Variants in ZFHX3 observed in about 807,000 individuals in gnomAD.
The protein encoded by ZFHX3 is zinc finger homeobox protein 3.
ZFHX3 carries 42 observed loss-of-function variants against 279.1 expected under a neutral mutation model. The observed-to-expected ratio is 0.15, with a 90% CI of 0.12 to 0.19. The LOEUF (loss-of-function observed/expected upper bound fraction) is 0.19, where lower values mean the gene tolerates loss of function less well. ZFHX3 is among the 10% of genes least tolerant of loss of function. ZFHX3 has a pLI of 1.00. For missense variants in ZFHX3, 4,981 were observed against 4,754.0 expected, an observed-to-expected ratio of 1.05 and a Z score of -1.40; for synonymous variants, 2,293 against 1,957.8, an observed-to-expected ratio of 1.17 and a Z score of -4.52.
chr16:73,003,514 C>A lies in ZFHX3; in HGVS notation c.-49-43320G>T, dbSNP rs530186436. 5.9e-5 allele frequency among the ~76,000 whole-genome samples: 8 copies of A among 135,144 alleles called. No individual in the cohort carries two copies. The South Asian group carries it at 2.0e-3, about 34-fold the overall frequency. 88.7% of individuals were successfully genotyped at this position (135,144 alleles called of 152,430 possible). A position where few individuals can be genotyped will look rare whatever the true frequency, so the allele number is the denominator to read the frequency against. ...ACCAGCCTGGCCAACATGGTGAGAC[C>A]CCCCCCTCCCCACCCCGCCCCATCT... is the stretch of plus-strand genomic sequence containing the variant. On this transcript the variant is annotated intron_variant, in intron 1 of 9. Transcript: ENST00000268489.
chr16:73,719,701 T>A (rs2053455229), intron 1 of ZFHX3, among the ~76,000 whole-genome samples: 2 of 152,174 alleles, frequency 1.3e-5, no homozygotes, highest in Admixed American at 1.3e-4. Context: ...TGGCGCGATC[T>A]CGGCTCACTG....
intron 2 of ZFHX3, among the ~76,000 whole-genome samples, chr16:73,641,583 G>C (rs1241030179): frequency 6.6e-6 from 1 of 152,142 alleles, no homozygotes; most frequent in African/African-American, 2.4e-5. Context: ...ACAGCAAAAA[G>C]ATATACACTG....
rs867331870 is a variant in ZFHX3 at position 72,829,835 on chromosome 16, C to A, written c.3473G>T (p.Gly1158Val). The change falls in exon 5 of 10, where the codon GGA becomes GTA. Residue 1158 changes from glycine to valine, a missense_variant. Physicochemically the swap from Gly to Val is moderately radical, Grantham distance 109. Coordinates refer to ENST00000268489, the MANE Select transcript of ZFHX3 (RefSeq NM_006885.4). ...DPEEAIEDVE[G>V]PSETAADPEE... ...TGGATCAGCAGCTGTTTCACTGGGT[C>A]CTTCAACATCTTCAATGGCTTCTTC... is the stretch of plus-strand genomic sequence containing the variant. 10 of 1,614,042 alleles carry A rather than the reference C, an allele frequency of 6.2e-6. No homozygotes were observed. The highest frequency in any genetic ancestry group is 1.3e-5 in the African/African-American group (1 of 74,916).
At chr16:73,148,305 T>C (rs1394585343) in intron 5 of ZFHX3, among the ~76,000 whole-genome samples, 2 of 152,350 alleles carry the variant, frequency 1.3e-5, no homozygotes, top group South Asian at 4.1e-4. Context: ...TAAAATCTTA[T>C]GTGGAAATTC....
intron 2 of ZFHX3, among the ~76,000 whole-genome samples, chr16:73,622,718 T>C (rs1184481327): frequency 6.6e-6 from 1 of 152,142 alleles, no homozygotes; most frequent in South Asian, 2.1e-4. Flanking sequence ...CACTCTGGTA[T>C]CGCCCCCCCA....
intron 4 of ZFHX3, among the ~76,000 whole-genome samples, chr16:73,265,453 G>C (rs1392036594): frequency 6.6e-6 from 1 of 152,118 alleles, no homozygotes; most frequent in Admixed American, 6.6e-5. Context: ...CATCACCCTT[G>C]AACTCTGAAA....
intron 1 of ZFHX3, among the ~76,000 whole-genome samples, chr16:73,757,604 G>A (rs763605904): frequency 4.6e-5 from 7 of 152,244 alleles, no homozygotes; most frequent in Non-Finnish European, 1.0e-4. Flanking sequence ...ATGGGAGTAA[G>A]ACACCAACAA....
chr16:72,834,023 G>C (rs1192327388), intron 4 of ZFHX3, among the ~76,000 whole-genome samples: 1 of 152,150 alleles, frequency 6.6e-6, no homozygotes, highest in African/African-American at 2.4e-5. Context: ...GAGGTAGGTG[G>C]ATTGCTTGAA....
chr16:73,458,243 G>A (rs1597343154), intron 2 of ZFHX3, among the ~76,000 whole-genome samples: 1 of 151,930 alleles, frequency 6.6e-6, no homozygotes, highest in African/African-American at 2.4e-5. Context: ...AGACACCCAA[G>A]TAGAATTCTT....
chr16:72,904,162 T>TA (rs1423214960), intron 3 of ZFHX3, among the ~76,000 whole-genome samples: 2 of 152,062 alleles, frequency 1.3e-5, no homozygotes, highest in Admixed American at 1.3e-4. Context: ...GGCCAGAAGT[T>TA]AGAGACCAGC....
At position 73,138,834 on chromosome 16, in the gene ZFHX3, C is replaced by G. The variant is rs568006522; in HGVS notation, c.-1024+4918G>C. Among the ~76,000 whole-genome samples the G allele has an allele frequency of 1.1e-4, 16 of 152,246 alleles. No homozygotes were observed. In the East Asian group the frequency reaches 3.1e-3, roughly 29 times the overall value. On this transcript the variant is annotated intron_variant, in intron 6 of 17. Transcript: ENST00000641206. ...TCCCGAGTAGCTGGGACCACAGGCA[C>G]GCACCACTATGCCTGGCTTATTTTT...
At chr16:73,271,960 C>T (rs904469236) in intron 4 of ZFHX3, among the ~76,000 whole-genome samples, 3 of 152,166 alleles carry the variant, frequency 2.0e-5, no homozygotes, top group African/African-American at 7.2e-5. Flanking sequence ...ACAATGTCAT[C>T]ATCCACAAAA....
At chr16:73,197,503 A>G (rs1968175563) in intron 5 of ZFHX3, among the ~76,000 whole-genome samples, 2 of 152,238 alleles carry the variant, frequency 1.3e-5, no homozygotes, top group African/African-American at 2.4e-5. Flanking sequence ...ATTGGATTGT[A>G]TATGCTCATG....
chr16:73,663,051 T>C (rs1385892210), intron 2 of ZFHX3, among the ~76,000 whole-genome samples: 1 of 152,170 alleles, frequency 6.6e-6, no homozygotes, highest in Non-Finnish European at 1.5e-5. Flanking sequence ...GGGTCATCTC[T>C]TCCCTTCCAA....
chr16:73,448,017 C>T (rs8050097), intron 3 of ZFHX3, among the ~76,000 whole-genome samples: 5,494 of 152,146 alleles, frequency 0.036, 251 homozygotes, highest in East Asian at 0.25. Context: ...ATTCTTTATC[C>T]ACAAGCAGTC....
intron 5 of ZFHX3, among the ~76,000 whole-genome samples, chr16:73,195,696 C>T (rs903394954): frequency 3.3e-5 from 5 of 151,996 alleles, no homozygotes; most frequent in Admixed American, 2.0e-4. Context: ...GGATTACAGG[C>T]GTGAGCCACC....
Position 72,793,493 on chromosome 16 carries a change from C to T in ZFHX3, c.9189G>A (p.Glu3063=). 2 of 1,614,202 alleles carry T rather than the reference C, an allele frequency of 1.2e-6. No individual in the cohort carries two copies. The highest frequency in any genetic ancestry group is 1.7e-6 in the Non-Finnish European group (2 of 1,180,042). Residue 3063 remains glutamate, a synonymous_variant, in exon 9 of 10, where the codon GAG becomes GAA. Coordinates refer to ENST00000268489, the MANE Select transcript of ZFHX3 (RefSeq NM_006885.4). This position sits in a 1 kb window ranked among gnomAD's most constrained non-coding sequence, Gnocchi z 4.3. ...CGGTGGCTGGGTCAAAGTATTCTTT[C>T]TCCTTGTCCAGCTGGCTTCCAATGG... ...KDTIGSQLDK[E]KEYFDPATVR... is the part of the protein sequence containing the mutation.
chr16:73,119,016 G>A (rs1374949342), intron 7 of ZFHX3, among the ~76,000 whole-genome samples: 6 of 152,084 alleles, frequency 3.9e-5, no homozygotes. Flanking sequence ...TTTCAGGGTG[G>A]GCACTGTGTC....
In ZFHX3 at chr16:72,831,963, G is replaced by C. The variant is rs548489477; in HGVS notation, c.3449-2104C>G. 2.0e-5 allele frequency among the ~76,000 whole-genome samples: 3 copies of C among 152,238 alleles called. No individual in the cohort carries two copies. In the Middle Eastern group the frequency reaches 0.01, roughly 518 times the overall value. ...ACACACAAAAAATTTGCAATCTCCA[G>C]CATAAATGGGATAATCAAATTTGAT... is the stretch of plus-strand genomic sequence containing the variant. On this transcript the variant is annotated intron_variant, in intron 4 of 9. Transcript: ENST00000268489.
Sources: allele counts gnomAD v4.1 joint callset (sites outside exome capture counted in the v4.1 genomes callset), GRCh38; gene constraint gnomAD v4.1.1; non-coding constraint Gnocchi (gnomAD v3.1); transcripts MANE v1.5; gene names NCBI Gene and HGNC (gene_info 2026-07-23, HGNC 2026-07-21).